The following MMP16 variants were observed in gnomAD, a reference collection of about 807,000 sequenced individuals.
MMP16 encodes matrix metalloproteinase-16.
A neutral mutation model predicts 67.8 loss-of-function variants in MMP16; 12 were observed. The observed-to-expected ratio is 0.18, with a 90% CI of 0.11 to 0.29. The LOEUF is 0.29. Ranked by LOEUF, MMP16 falls within the 10% of genes least tolerant of loss-of-function variation. The pLI is 1.00. For synonymous variants in MMP16, 249 were observed against 255.9 expected, an observed-to-expected ratio of 0.97 and a Z score of 0.26; for missense variants, 475 against 765.7, an observed-to-expected ratio of 0.62 and a Z score of 4.48.
Position 88,217,406 on chromosome 8 carries a change from T to C in MMP16, c.133-20100A>G, listed in dbSNP as rs73288929. 1.8e-3 allele frequency among the ~76,000 whole-genome samples: 275 copies of C among 152,230 alleles called. 1 individual carries two copies. Among genetic ancestry groups the C allele is most frequent in the African/African-American group, 6.1e-3 (254 of 41,580 alleles). On this transcript the variant is annotated intron_variant, in intron 1 of 9. Transcript: ENST00000286614. ...ATTTACTACTATGGTAACAAATACA[T>C]ATATTTAAATCTATATTCATTCCCA...
intron 9 of MMP16, among the ~76,000 whole-genome samples, chr8:88,045,063 A>G (rs189892733): frequency 1.2e-4 from 18 of 152,264 alleles, no homozygotes; most frequent in South Asian, 8.3e-4. Flanking sequence ...CATACAAGTA[A>G]TATCTTAACT....
At chr8:88,113,880 G>A (rs1282926636) in intron 6 of MMP16, among the ~76,000 whole-genome samples, 1 of 151,924 alleles carries the variant, frequency 6.6e-6, no homozygotes, top group Non-Finnish European at 1.5e-5. Context: ...CAGTATGAGT[G>A]CAATAAATAT....
intron 7 of MMP16, among the ~76,000 whole-genome samples, chr8:88,064,917 T>A (rs1458924395): frequency 6.6e-6 from 1 of 152,098 alleles, no homozygotes; most frequent in Non-Finnish European, 1.5e-5. Flanking sequence ...GGTGTGCAGC[T>A]CAGGACTTCC....
At chr8:88,188,371 A>G (rs1411859382) in intron 2 of MMP16, among the ~76,000 whole-genome samples, 1 of 152,214 alleles carries the variant, frequency 6.6e-6, no homozygotes, top group African/African-American at 2.4e-5. Flanking sequence ...TAATTATGAA[A>G]TCTGAATATA....
chr8:88,268,359 C>T (rs1281760854), intron 1 of MMP16, among the ~76,000 whole-genome samples: 1 of 152,040 alleles, frequency 6.6e-6, no homozygotes, highest in African/African-American at 2.4e-5. Flanking sequence ...AAAACCAAAA[C>T]TAAAACCAAA....
intron 1 of MMP16, among the ~76,000 whole-genome samples, chr8:88,198,569 G>C (rs561554778): frequency 2.0e-5 from 3 of 151,898 alleles, no homozygotes; most frequent in East Asian, 1.9e-4. Flanking sequence ...AGCAAATATA[G>C]AAGTTAAATT....
chr8:88,257,816 T>G (rs1249307631), intron 1 of MMP16, among the ~76,000 whole-genome samples: 1 of 152,096 alleles, frequency 6.6e-6, no homozygotes, highest in African/African-American at 2.4e-5. Flanking sequence ...CTATTAAAGG[T>G]GATACAAAAA....
chr8:88,115,256 A>C (rs773108014), intron 6 of MMP16, among the ~76,000 whole-genome samples: 2 of 152,052 alleles, frequency 1.3e-5, no homozygotes, highest in Non-Finnish European at 2.9e-5. Context: ...CATTTCAACT[A>C]GTTGCTGTGG....
intron 1 of MMP16, among the ~76,000 whole-genome samples, chr8:88,278,985 A>G (rs1810690781): frequency 6.6e-6 from 1 of 152,162 alleles, no homozygotes; most frequent in Non-Finnish European, 1.5e-5. Context: ...AAATAGGGCT[A>G]GTTTGAGGCA....
rs909072004 is a variant in MMP16, at chr8:88,310,959, T to C, written c.132+16116A>G. 2.0e-5 allele frequency among the ~76,000 whole-genome samples: 3 copies of C among 152,156 alleles called. 1 individual carries two copies. Among genetic ancestry groups the C allele is most frequent in the South Asian group, 4.1e-4 (2 of 4,830 alleles). ...AAGTTTTATCAATTAATAAGGTATT[T>C]AATAATTTTCAACAGTAATTTTAAG... On this transcript the variant is annotated intron_variant, in intron 1 of 9. Transcript: ENST00000286614.
chr8:88,172,098 G>A (rs982325548), intron 3 of MMP16, among the ~76,000 whole-genome samples: 9 of 152,082 alleles, frequency 5.9e-5, no homozygotes, highest in South Asian at 2.1e-4. Context: ...GATTACAGGC[G>A]TGTGCCACCG....
Position 88,036,918 on chromosome 8 carries a change from G to A in MMP16, c.*4543C>T, listed in dbSNP as rs1808061620. 1 of 151,376 alleles carries A rather than the reference G, an allele frequency of 6.6e-6. No individual in the cohort carries two copies. The highest frequency in any genetic ancestry group is 2.1e-4 in the South Asian group (1 of 4,792). The allele number at this position is 151,376 out of a possible 1,614,324, so 9.4% of individuals were successfully genotyped here. A position where few individuals can be genotyped will look rare whatever the true frequency, so the allele number is the denominator to read the frequency against. On this transcript the variant is annotated 3_prime_UTR_variant, in exon 10 of 10. Coordinates refer to ENST00000286614, the MANE Select transcript of MMP16 (RefSeq NM_005941.5). ...CAATCTCACAGACTCAATACTACCA[G>A]TAAATAATTCCCTTTATTAGTTTCT...
At chr8:88,245,978 G>T (rs1461539978) in intron 1 of MMP16, among the ~76,000 whole-genome samples, 2 of 152,114 alleles carry the variant, frequency 1.3e-5, no homozygotes, top group Admixed American at 6.6e-5. Context: ...TCTTCTAAAA[G>T]AAATATGAGA....
At chr8:88,212,200 GGTGGGT>G (rs553187201) in intron 1 of MMP16, among the ~76,000 whole-genome samples, 23 of 152,246 alleles carry the variant, frequency 1.5e-4, no homozygotes, top group African/African-American at 4.6e-4. Flanking sequence ...AATGGTGTGT[GGTGGGT>G]ATGGACACAG....
intron 2 of MMP16, among the ~76,000 whole-genome samples, chr8:88,190,519 G>T (rs1809154009): frequency 1.3e-5 from 2 of 152,036 alleles, no homozygotes; most frequent in African/African-American, 4.8e-5. Flanking sequence ...TACAAAACTG[G>T]CATGCTAATG....
At chr8:88,120,055 C>T (rs906851087) in intron 4 of MMP16, among the ~76,000 whole-genome samples, 2 of 151,924 alleles carry the variant, frequency 1.3e-5, no homozygotes, top group Admixed American at 6.6e-5. Context: ...GAGACTGACT[C>T]TTCATATGAC....
At chr8:88,270,329 T>C (rs759565608) in intron 1 of MMP16, among the ~76,000 whole-genome samples, 71 of 152,218 alleles carry the variant, frequency 4.7e-4, no homozygotes, top group Admixed American at 2.1e-3. Context: ...ATTTATCAGA[T>C]TGCTTCTGTG....
intron 7 of MMP16, among the ~76,000 whole-genome samples, chr8:88,063,271 G>A (rs1016173376): frequency 2.0e-5 from 3 of 151,630 alleles, no homozygotes; most frequent in Non-Finnish European, 2.9e-5. Flanking sequence ...CTATTCATCC[G>A]TCTATTCTCC....
chr8:88,277,823 T>A (rs998369527), intron 1 of MMP16, among the ~76,000 whole-genome samples: 2 of 152,208 alleles, frequency 1.3e-5, no homozygotes, highest in Non-Finnish European at 2.9e-5. Flanking sequence ...ATTGGGTCTA[T>A]GCATTTTCAG....
Sources: allele counts gnomAD v4.1 joint callset (sites outside exome capture counted in the v4.1 genomes callset), GRCh38; gene constraint gnomAD v4.1.1; transcripts MANE v1.5; gene names NCBI Gene and HGNC (gene_info 2026-07-23, HGNC 2026-07-21).